The following ZNF600 variants were observed in gnomAD, a reference collection of about 807,000 sequenced individuals.
ZNF600 encodes zinc finger protein KR-ZNF1.
ZNF600 carries 4 observed loss-of-function variants against 7.3 expected under a neutral mutation model. The ratio of observed to expected loss-of-function variants is 0.55; its 90% CI spans 0.27 to 1.25. The LOEUF (loss-of-function observed/expected upper bound fraction) is 1.25. Among genes scored for constraint, ZNF600 ranks in the 50% most tolerant of loss-of-function variants. ZNF600 has a pLI of 0.12. For missense variants in ZNF600, 911 were observed against 922.1 expected (o/e 0.99, Z 0.16); for synonymous variants, 290 against 308.9 (o/e 0.94, Z 0.64).
chr19:52,810,990 C>T, the ZNF600 span, among the ~76,000 whole-genome samples: 1 of 145,478 alleles, frequency 6.9e-6, no homozygotes, highest in Non-Finnish European at 1.5e-5. Context: ...AACCTCCCTG[C>T]CTGATTCTCC....
At chr19:52,788,080 A>G (rs1483535963), upstream of ZNF600, among the ~76,000 whole-genome samples, 1 of 152,048 alleles carries the variant, frequency 6.6e-6, no homozygotes. Flanking sequence ...CTTGGGGTCC[A>G]CACCCCATCT....
chr19:52,783,430 C>T (rs1325943943), intron 1 of ZNF600, among the ~76,000 whole-genome samples: 1 of 152,144 alleles, frequency 6.6e-6, no homozygotes, highest in Non-Finnish European at 1.5e-5. Context: ...GGCGCGATCT[C>T]GGCTCACTGC....
At position 52,781,706 on chromosome 19, in the gene ZNF600, TG is replaced by T. The variant is rs1286508143; in HGVS notation, c.-19-2800del. Among the ~76,000 whole-genome samples, 4 of 151,466 alleles carry T rather than the reference TG, an allele frequency of 2.6e-5. No individual in the cohort carries two copies. In the East Asian group the frequency reaches 7.8e-4, roughly 30 times the overall value. On this transcript the variant is annotated intron_variant, in intron 1 of 3. Coordinates refer to ENST00000648973, the Ensembl canonical transcript of ZNF600. ...TGAGCCTGGGAGGCAGAGGTTGCAG[TG>T]ATCCAAGATTGTTCCACTGCATTCC... is the stretch of plus-strand genomic sequence containing the variant.
At chr19:52,799,007 ACC>A in the ZNF600 span, 2 of 825,326 alleles carry the variant, frequency 2.4e-6, no homozygotes, top group Non-Finnish European at 1.8e-6. Context: ...CTTGTTACAA[ACC>A]TTACATTTGT....
the ZNF600 span, among the ~76,000 whole-genome samples, chr19:52,823,649 T>A: frequency 1.3e-5 from 2 of 152,180 alleles, no homozygotes; most frequent in South Asian, 4.1e-4. Context: ...TTATTTAACT[T>A]CCTACTGAGA....
At chr19:52,767,732 T>A (rs1178633604) in exon 4 of ZNF600, 1 of 1,591,698 alleles carries the variant, frequency 6.3e-7, no homozygotes, top group African/African-American at 1.4e-5. Context: ...TGCCTTGCCC[T>A]GTTGACAAGA....
At chr19:52,798,464 A>T in the ZNF600 span, 1 of 459,138 alleles carries the variant, frequency 2.2e-6, no homozygotes, top group South Asian at 1.7e-5. Context: ...GAATTGTCTG[A>T]TGGTCTGCAA....
At chr19:52,830,103 G>A in the ZNF600 span, among the ~76,000 whole-genome samples, 370 of 152,042 alleles carry the variant, frequency 2.4e-3, 3 homozygotes, top group African/African-American at 6.8e-3. Flanking sequence ...GAAAAACCCC[G>A]TCTCTACTTC....
At chr19:52,773,626 C>G (rs2147518935) in intron 3 of ZNF600, among the ~76,000 whole-genome samples, 1 of 152,096 alleles carries the variant, frequency 6.6e-6, no homozygotes, top group South Asian at 2.1e-4. Flanking sequence ...AATCTCAGCT[C>G]ATTAGGAGGA....
At chr19:52,786,223 A>G (rs1039297874) in intron 1 of ZNF600, among the ~76,000 whole-genome samples, 3 of 152,090 alleles carry the variant, frequency 2.0e-5, no homozygotes, top group Admixed American at 1.3e-4. Flanking sequence ...ACCCTGGCTC[A>G]GGGGAAGCGA....
the ZNF600 span, among the ~76,000 whole-genome samples, chr19:52,815,907 T>C: frequency 6.8e-6 from 1 of 146,972 alleles, no homozygotes; most frequent in African/African-American, 2.6e-5. Flanking sequence ...ATGACGTGAG[T>C]TTGCCTCTGT....
At chr19:52,790,221 C>A (rs961661410), upstream of ZNF600, among the ~76,000 whole-genome samples, 1 of 152,202 alleles carries the variant, frequency 6.6e-6, no homozygotes, top group African/African-American at 2.4e-5. Context: ...AGAGGCCTGA[C>A]ATACATGTGC....
chr19:52,831,261 C>CA, the ZNF600 span, among the ~76,000 whole-genome samples: 3 of 152,120 alleles, frequency 2.0e-5, no homozygotes, highest in East Asian at 3.9e-4. Flanking sequence ...AGACTGAGCG[C>CA]AGTGGCTCAT....
chr19:52,798,450 A>G, the ZNF600 span: 2 of 439,980 alleles, frequency 4.5e-6, no homozygotes, highest in Admixed American at 5.9e-5. Context: ...ACTGTCTCCA[A>G]AAGGAATTGT....
chr19:52,806,733 C>A, the ZNF600 span, among the ~76,000 whole-genome samples: 1 of 151,862 alleles, frequency 6.6e-6, no homozygotes, highest in Non-Finnish European at 1.5e-5. Flanking sequence ...GAAACACTGT[C>A]TCTACTAAAA....
the ZNF600 span, among the ~76,000 whole-genome samples, chr19:52,791,851 G>A: frequency 5.9e-5 from 9 of 152,166 alleles, no homozygotes; most frequent in Admixed American, 5.9e-4. Flanking sequence ...TCAGGGCACA[G>A]ACCCATCCCT....
chr19:52,787,401 C>CTTTT (rs1167453014), upstream of ZNF600, among the ~76,000 whole-genome samples: 15 of 114,826 alleles, frequency 1.3e-4, no homozygotes, highest in South Asian at 2.9e-4. Context: ...CGCTCTTTTA[C>CTTTT]TTTTTTTTTT....
chr19:52,809,203 TC>T, the ZNF600 span, among the ~76,000 whole-genome samples: 1 of 152,124 alleles, frequency 6.6e-6, no homozygotes, highest in African/African-American at 2.4e-5. Context: ...GAAGAAGCAA[TC>T]ACCCTTTCAA....
the ZNF600 span, chr19:52,810,462 C>G: frequency 6.3e-7 from 1 of 1,591,862 alleles, no homozygotes; most frequent in Non-Finnish European, 8.6e-7. Flanking sequence ...CTCAAAGAGT[C>G]AGTGAGGACT....
Sources: allele counts gnomAD v4.1 joint callset (sites outside exome capture counted in the v4.1 genomes callset), GRCh38; gene constraint gnomAD v4.1.1; transcripts MANE v1.5; gene names NCBI Gene and HGNC (gene_info 2026-07-23, HGNC 2026-07-21).